The following SEC24B variants were observed in gnomAD, a reference collection of about 807,000 sequenced individuals.
SEC24B encodes the protein SEC24 homolog B, COPII component.
In SEC24B, 45 loss-of-function variants were observed where a neutral mutation model predicts 142.8. That is an observed-to-expected ratio of 0.32 (90% CI 0.25 to 0.40). The LOEUF (loss-of-function observed/expected upper bound fraction) is 0.40. Among genes scored for constraint, SEC24B ranks in the 10% least tolerant of loss-of-function variants. SEC24B has a pLI of 1.00. For synonymous variants in SEC24B, 574 were observed against 568.2 expected (o/e 1.01, Z -0.15); for missense variants, 1,409 against 1,526.8 (o/e 0.92, Z 1.29).
intron 12 of SEC24B, 43 bp from the exon 13 acceptor site, chr4:109,521,074 C>A: frequency 8.2e-7 from 1 of 1,222,368 alleles, no homozygotes; most frequent in Non-Finnish European, 1.2e-6. Flanking sequence ...CTAATGTATT[C>A]TTTTGTTCGA....
intron 6 of SEC24B, among the ~76,000 whole-genome samples, chr4:109,499,856 CTTCT>C (rs1735930179): frequency 6.6e-6 from 1 of 152,064 alleles, no homozygotes; most frequent in Non-Finnish European, 1.5e-5. Flanking sequence ...GAGTGTACTC[CTTCT>C]ATTTATAAAA....
At chr4:109,506,542 T>C in intron 7 of SEC24B, 30 bp downstream of exon 7, 1 of 1,358,600 alleles carries the variant, frequency 7.4e-7, no homozygotes, top group Non-Finnish European at 9.8e-7. Flanking sequence ...ATAATCTTTC[T>C]TAAGTGATGA....
intron 5 of SEC24B, 38 bp from the exon 6 acceptor site, chr4:109,494,577 A>G: frequency 1.2e-6 from 2 of 1,609,496 alleles, no homozygotes; most frequent in Non-Finnish European, 1.7e-6. Context: ...TGGAGTCTTG[A>G]TTTTCAGTTG....
At chr4:109,538,679 T>C (rs756084860) in intron 23 of SEC24B, 83 bp downstream of exon 23, 6 of 779,704 alleles carry the variant, frequency 7.7e-6, no homozygotes, top group South Asian at 1.6e-5. Context: ...AAACTTTAAA[T>C]AGTAGCAAAA....
chr4:109,449,457 C>T, intron 1 of SEC24B: 1 of 450,178 alleles, frequency 2.2e-6, no homozygotes, highest in South Asian at 1.6e-5. Flanking sequence ...GTCTTGAACT[C>T]CTGGACCCAA....
intron 2 of SEC24B, among the ~76,000 whole-genome samples, chr4:109,468,973 GTAAC>G (rs1732243142): frequency 1.3e-5 from 2 of 152,032 alleles, no homozygotes; most frequent in South Asian, 2.1e-4. Context: ...TGAATTCTAA[GTAAC>G]TAACAGGGAA....
At chr4:109,443,857 A>G (rs1729167587) in intron 1 of SEC24B, among the ~76,000 whole-genome samples, 1 of 152,202 alleles carries the variant, frequency 6.6e-6, no homozygotes, top group African/African-American at 2.4e-5. Context: ...GTAAAAATGC[A>G]TGAATCAAAG....
At chr4:109,460,037 AT>A (rs779334412) in intron 1 of SEC24B, among the ~76,000 whole-genome samples, 3 of 152,200 alleles carry the variant, frequency 2.0e-5, no homozygotes, top group Non-Finnish European at 2.9e-5. Context: ...ACCATCTAAA[AT>A]AATCTAAGAA....
chr4:109,501,890 G>A (rs1311268702), intron 6 of SEC24B, among the ~76,000 whole-genome samples: 1 of 152,214 alleles, frequency 6.6e-6, no homozygotes, highest in Non-Finnish European at 1.5e-5. Context: ...GAACCAAACA[G>A]TTCCTGCTCT....
At position 109,506,454 on chromosome 4, in the gene SEC24B, G is replaced by T; in HGVS notation, c.1615G>T (p.Val539Phe). Residue 539 changes from valine (V) to phenylalanine (F), a missense_variant, in exon 7 of 24, where the codon GTT becomes TTT. Coordinates refer to ENST00000265175, the MANE Select transcript of SEC24B (RefSeq NM_006323.5). ...QERNILPMTP[V>F]WAPVPNLNAD... ...GAGGAATATTTTACCTATGACTCCT[G>T]TTTGGGCTCCTGTACCTAACTTGAA... 1 of 1,608,786 alleles carries T rather than the reference G, an allele frequency of 6.2e-7. No homozygotes were observed. The highest frequency in any genetic ancestry group is 1.3e-5 in the African/African-American group (1 of 74,834).
intron 1 of SEC24B, chr4:109,449,574 G>GT (rs1729846957): frequency 2.2e-6 from 1 of 452,800 alleles, no homozygotes; most frequent in African/African-American, 2.0e-5. Flanking sequence ...GTTTGAGAGA[G>GT]TGTCAGCATG....
At chr4:109,456,006 C>T (rs1730631089) in intron 1 of SEC24B, among the ~76,000 whole-genome samples, 1 of 152,148 alleles carries the variant, frequency 6.6e-6, no homozygotes, top group Non-Finnish European at 1.5e-5. Context: ...TCTTCTAATC[C>T]ATGAACACAG....
At chr4:109,536,671 A>T (rs1725572826) in intron 22 of SEC24B, among the ~76,000 whole-genome samples, 1 of 152,034 alleles carries the variant, frequency 6.6e-6, no homozygotes, top group African/African-American at 2.4e-5. Context: ...CTGGGACTAC[A>T]GGCGCCTGCC....
intron 16 of SEC24B, among the ~76,000 whole-genome samples, chr4:109,525,729 AAG>A (rs1458108731): frequency 6.6e-6 from 1 of 152,146 alleles, no homozygotes; most frequent in Non-Finnish European, 1.5e-5. Flanking sequence ...AGAAGAACCT[AAG>A]AGAAAGCCTA....
At chr4:109,444,056 C>G (rs891519948) in intron 1 of SEC24B, among the ~76,000 whole-genome samples, 2 of 151,716 alleles carry the variant, frequency 1.3e-5, no homozygotes, top group African/African-American at 4.8e-5. Context: ...AAACCCATCT[C>G]TACTAAAAAT....
chr4:109,516,586 T>C lies in SEC24B; in HGVS notation c.2072T>C (p.Val691Ala). 2 of 1,613,332 alleles carry C rather than the reference T, an allele frequency of 1.2e-6. No homozygotes were observed. Among genetic ancestry groups the C allele is most frequent in the Non-Finnish European group, 8.5e-7 (1 of 1,179,548 alleles). ...LFVLDVSHNA[V>A]EAGYLTILCQ... ...GTTTTAGATGTGTCTCATAATGCAG[T>C]GGAAGCTGGATATTTGACAATTTTG... Residue 691 changes from valine (V) to alanine (A), a missense_variant, in exon 11 of 24, where the codon GTG (valine) becomes GCG (alanine). Val to Ala is a moderately conservative substitution (Grantham distance 64). Transcript: ENST00000265175.
At chr4:109,510,398 T>C (rs1737189825) in intron 8 of SEC24B, among the ~76,000 whole-genome samples, 1 of 152,206 alleles carries the variant, frequency 6.6e-6, no homozygotes, top group Non-Finnish European at 1.5e-5. Flanking sequence ...GGATAATTAA[T>C]ACATGTAATT....
chr4:109,449,502 G>A (rs1277688500), intron 1 of SEC24B: 1 of 455,508 alleles, frequency 2.2e-6, no homozygotes, highest in South Asian at 1.6e-5. Context: ...AAATTGCTGG[G>A]AGTACAGGTG....
chr4:109,499,548 A>G (rs1197180313), intron 6 of SEC24B, among the ~76,000 whole-genome samples: 1 of 152,220 alleles, frequency 6.6e-6, no homozygotes, highest in Non-Finnish European at 1.5e-5. Context: ...GCATACAGTC[A>G]TGTGCTGCAT....
Sources: gnomAD v4.1 joint callset for allele counts (sites outside exome capture counted in the v4.1 genomes callset) on GRCh38, gnomAD v4.1.1 for gene constraint, MANE v1.5 for transcripts, NCBI Gene and HGNC (gene_info 2026-07-23, HGNC 2026-07-21) for gene names.